The following KPNA1 variants were observed in gnomAD, a reference collection of about 807,000 sequenced individuals.
KPNA1 encodes importin subunit alpha-5.
In KPNA1, 10 loss-of-function variants were observed where a neutral mutation model predicts 70.5. The observed-to-expected ratio is 0.14, with a 90% CI of 0.09 to 0.24. KPNA1 has a LOEUF of 0.24. KPNA1 is among the 10% of genes least tolerant of loss of function. KPNA1 has a pLI of 1.00. For synonymous variants in KPNA1, 192 were observed against 221.9 expected, an observed-to-expected ratio of 0.87 and a Z score of 1.20; for missense variants, 397 against 637.9, an observed-to-expected ratio of 0.62 and a Z score of 4.07.
rs1388393540 is a variant in KPNA1, at chr3:122,426,962, G to A, written c.*23C>T. On this transcript the variant is annotated 3_prime_UTR_variant, in exon 14 of 14. Transcript: ENST00000344337. ...GACTGGGTAGCCTGGTCTGACACAG[G>A]TACGTGAAAGCAGAGTATTGCTTCA... 1.2e-6 allele frequency: 2 copies of A among 1,602,500 alleles called. No homozygotes were observed. The highest frequency in any genetic ancestry group is 3.3e-5 in the Admixed American group (2 of 59,764).
intron 11 of KPNA1, among the ~76,000 whole-genome samples, chr3:122,435,240 ATC>A (rs925915333): frequency 2.6e-5 from 4 of 152,240 alleles, no homozygotes; most frequent in African/African-American, 9.6e-5. Flanking sequence ...GGATTAGATG[ATC>A]TCTCTGTTTC....
At chr3:122,443,573 T>G (rs1463989009) in intron 9 of KPNA1, among the ~76,000 whole-genome samples, 1 of 152,200 alleles carries the variant, frequency 6.6e-6, no homozygotes, top group African/African-American at 2.4e-5. Flanking sequence ...TAGGTTCTTT[T>G]CTATTTTCTC....
At chr3:122,453,173 G>C (rs1418459760) in intron 6 of KPNA1, among the ~76,000 whole-genome samples, 1 of 152,054 alleles carries the variant, frequency 6.6e-6, no homozygotes, top group Non-Finnish European at 1.5e-5. Flanking sequence ...TCGAGCTCCT[G>C]GGCTCAAGCA....
intron 1 of KPNA1, among the ~76,000 whole-genome samples, chr3:122,505,821 A>G (rs1277333859): frequency 1.3e-5 from 2 of 152,224 alleles, no homozygotes; most frequent in Non-Finnish European, 2.9e-5. Context: ...CACTGCCACC[A>G]GCCTGGCTCA....
chr3:122,448,151 A>T (rs1166869034), intron 9 of KPNA1, among the ~76,000 whole-genome samples: 1 of 152,184 alleles, frequency 6.6e-6, no homozygotes, highest in African/African-American at 2.4e-5. Flanking sequence ...ATTGTTGGTG[A>T]GAGTGTAAAT....
At chr3:122,467,851 G>T (rs554473871) in intron 2 of KPNA1, among the ~76,000 whole-genome samples, 64 of 152,312 alleles carry the variant, frequency 4.2e-4, no homozygotes, top group African/African-American at 1.5e-3. Context: ...AATCTCCAAA[G>T]ATGGTGGACT....
intron 11 of KPNA1, among the ~76,000 whole-genome samples, chr3:122,436,905 G>T (rs775955085): frequency 6.6e-6 from 1 of 152,020 alleles, no homozygotes; most frequent in Admixed American, 6.5e-5. Context: ...AGCCTCCCGC[G>T]TAGCTGGGAC....
intron 4 of KPNA1, among the ~76,000 whole-genome samples, chr3:122,463,052 T>C (rs1373799391): frequency 1.3e-5 from 2 of 152,026 alleles, no homozygotes; most frequent in African/African-American, 4.8e-5. Context: ...ATCCTATCTC[T>C]ACTAAAAATA....
intron 1 of KPNA1, among the ~76,000 whole-genome samples, chr3:122,506,803 C>A (rs1369583927): frequency 6.6e-6 from 1 of 152,154 alleles, no homozygotes; most frequent in East Asian, 1.9e-4. Context: ...CTATAGGTTC[C>A]CAAGCTGGGA....
chr3:122,510,909 T>A (rs1392079662), intron 1 of KPNA1, among the ~76,000 whole-genome samples: 1 of 152,160 alleles, frequency 6.6e-6, no homozygotes, highest in Non-Finnish European at 1.5e-5. Flanking sequence ...TTATATTAGA[T>A]CTTCAGTATT....
At chr3:122,427,378 TTAAATACA>T (rs1560012526) in intron 13 of KPNA1, 152 bp downstream of exon 13, 3 of 781,154 alleles carry the variant, frequency 3.8e-6, no homozygotes, top group Admixed American at 5.8e-5. Context: ...AACTGACATC[TTAAATACA>T]TATGCAAGTA....
intron 2 of KPNA1, among the ~76,000 whole-genome samples, chr3:122,490,709 C>T (rs1293600895): frequency 6.6e-6 from 1 of 152,184 alleles, no homozygotes; most frequent in Non-Finnish European, 1.5e-5. Flanking sequence ...CCTCAGAATG[C>T]CAGTGCTCAC....
intron 2 of KPNA1, among the ~76,000 whole-genome samples, chr3:122,487,187 C>CAAGT (rs1228589133): frequency 6.6e-6 from 1 of 152,066 alleles, no homozygotes; most frequent in Non-Finnish European, 1.5e-5. Context: ...AAGGATTAGT[C>CAAGT]AAGTAACCAA....
At chr3:122,514,189 G>A (rs1179174391) in intron 1 of KPNA1, among the ~76,000 whole-genome samples, 1 of 151,910 alleles carries the variant, frequency 6.6e-6, no homozygotes, top group Non-Finnish European at 1.5e-5. Context: ...TTATGACATC[G>A]GTAAACTGCA....
chr3:122,447,824 G>C (rs2076156949), intron 9 of KPNA1, among the ~76,000 whole-genome samples: 1 of 152,098 alleles, frequency 6.6e-6, no homozygotes, highest in Admixed American at 6.5e-5. Flanking sequence ...CTTCAGCAAA[G>C]TCTCAGGATA....
rs554314619 is a variant in KPNA1 at position 122,423,713 on chromosome 3, T to C, written c.*3272A>G. Reference sequence around the variant, plus strand: ...AATAGAATTGGTTGACAAAGTTTGGTTTATAAAATATACTTACATATTGTT... The same window carrying C: ...AATAGAATTGGTTGACAAAGTTTGGCTTATAAAATATACTTACATATTGTT... On this transcript the variant is annotated 3_prime_UTR_variant, in exon 14 of 14. Coordinates refer to ENST00000344337, the MANE Select transcript of KPNA1 (RefSeq NM_002264.4). The C allele has an allele frequency of 6.5e-6, 1 of 152,746 alleles. No homozygotes were observed. Among genetic ancestry groups the C allele is most frequent in the Admixed American group, 6.5e-5 (1 of 15,298 alleles). The allele number at this position is 152,746 out of a possible 1,614,324, so 9.5% of individuals were successfully genotyped here.
chr3:122,448,126 T>C (rs530964127), intron 9 of KPNA1, among the ~76,000 whole-genome samples: 4 of 152,112 alleles, frequency 2.6e-5, no homozygotes, highest in Admixed American at 6.5e-5. Flanking sequence ...TGTGGAGAAA[T>C]AGGAACACTC....
At chr3:122,468,304 A>G (rs184879961) in intron 2 of KPNA1, among the ~76,000 whole-genome samples, 2 of 152,334 alleles carry the variant, frequency 1.3e-5, no homozygotes, top group African/African-American at 4.8e-5. Flanking sequence ...CAGAGCTGAG[A>G]AGGCCAAGAG....
intron 8 of KPNA1, 39 bp downstream of exon 8, chr3:122,451,495 G>C: frequency 8.7e-6 from 10 of 1,142,992 alleles, no homozygotes; most frequent in Non-Finnish European, 1.3e-5. Flanking sequence ...TCTTTTAATT[G>C]TATTTTTTCT....
Sources: gnomAD v4.1 joint callset for allele counts (sites outside exome capture counted in the v4.1 genomes callset) on GRCh38, gnomAD v4.1.1 for gene constraint, MANE v1.5 for transcripts, NCBI Gene and HGNC (gene_info 2026-07-23, HGNC 2026-07-21) for gene names.